OLFM3: variants seen among roughly 807,000 people sequenced by gnomAD.
OLFM3 encodes olfactomedin 3, also known as noelin-3.
A neutral mutation model predicts 48.6 loss-of-function variants in OLFM3; 20 were observed. The ratio of observed to expected loss-of-function variants is 0.41; its 90% CI spans 0.29 to 0.60. The LOEUF is 0.60. Ranked by LOEUF, OLFM3 falls within the 20% of genes least tolerant of loss-of-function variation. The pLI is 0.28. For synonymous variants in OLFM3, 222 were observed against 198.1 expected (o/e 1.12, Z -1.01); for missense variants, 437 against 544.3 (o/e 0.80, Z 1.96).
At chr1:101,979,311 G>A (rs955740761) in intron 1 of OLFM3, among the ~76,000 whole-genome samples, 10 of 152,042 alleles carry the variant, frequency 6.6e-5, no homozygotes, top group African/African-American at 1.2e-4. Context: ...TATGACCACC[G>A]ATATGGTTTG....
intron 1 of OLFM3, among the ~76,000 whole-genome samples, chr1:101,947,709 TA>T (rs1660003812): frequency 6.6e-6 from 1 of 152,210 alleles, no homozygotes; most frequent in South Asian, 2.1e-4. Flanking sequence ...TAGTCATTGA[TA>T]AAAGTGAGAT....
intron 1 of OLFM3, among the ~76,000 whole-genome samples, chr1:101,981,076 C>A (rs1661093296): frequency 6.6e-6 from 1 of 152,212 alleles, no homozygotes; most frequent in South Asian, 2.1e-4. Context: ...AATTCTCAAG[C>A]CCTTTGCCAC....
At chr1:101,845,190 AT>A (rs961499551) in intron 1 of OLFM3, among the ~76,000 whole-genome samples, 20 of 150,934 alleles carry the variant, frequency 1.3e-4, no homozygotes, top group South Asian at 4.2e-4. Context: ...TATTATTATT[AT>A]TTTTTTTGCA....
chr1:101,901,333 A>T (rs1386640052), intron 1 of OLFM3, among the ~76,000 whole-genome samples: 1 of 152,112 alleles, frequency 6.6e-6, no homozygotes, highest in African/African-American at 2.4e-5. Flanking sequence ...AGAATTTCAG[A>T]TGGAGACAAA....
At chr1:101,962,238 C>T (rs1660488935) in intron 1 of OLFM3, among the ~76,000 whole-genome samples, 1 of 152,076 alleles carries the variant, frequency 6.6e-6, no homozygotes, top group Non-Finnish European at 1.5e-5. Context: ...TGCAATAAAC[C>T]TGTATGGAGT....
intron 1 of OLFM3, among the ~76,000 whole-genome samples, chr1:101,959,030 C>T (rs1209119716): frequency 2.6e-5 from 4 of 151,832 alleles, no homozygotes; most frequent in Non-Finnish European, 5.9e-5. Context: ...TACCCTTTGA[C>T]CAACATCTCC....
At chr1:101,879,860 T>G (rs1657449123) in intron 1 of OLFM3, among the ~76,000 whole-genome samples, 1 of 151,780 alleles carries the variant, frequency 6.6e-6, no homozygotes, top group Non-Finnish European at 1.5e-5. Context: ...CACCCTAAAA[T>G]AAAGTTTCTC....
intron 3 of OLFM3, among the ~76,000 whole-genome samples, chr1:101,827,896 G>A (rs1244045656): frequency 6.6e-6 from 1 of 152,072 alleles, no homozygotes; most frequent in African/African-American, 2.4e-5. Context: ...TGTCTGGGAG[G>A]GACCAGGTGA....
intron 1 of OLFM3, among the ~76,000 whole-genome samples, chr1:101,877,920 T>A (rs1342812436): frequency 1.3e-5 from 2 of 151,736 alleles, no homozygotes; most frequent in African/African-American, 2.4e-5. Context: ...GCTAGATAAG[T>A]TTTTTTTCTA....
chr1:101,916,379 T>C (rs1658925217), intron 1 of OLFM3, among the ~76,000 whole-genome samples: 1 of 151,642 alleles, frequency 6.6e-6, no homozygotes, highest in South Asian at 2.1e-4. Flanking sequence ...ATTATCACTT[T>C]GAAGTAGGTA....
intron 1 of OLFM3, among the ~76,000 whole-genome samples, chr1:101,885,261 A>G (rs1418094703): frequency 6.6e-6 from 1 of 152,070 alleles, no homozygotes; most frequent in Non-Finnish European, 1.5e-5. Context: ...CACAAGAATT[A>G]ACAGAAGATG....
intron 1 of OLFM3, among the ~76,000 whole-genome samples, chr1:101,844,803 T>A (rs1240928327): frequency 6.6e-6 from 1 of 152,028 alleles, no homozygotes. Context: ...TTAGCACATA[T>A]AAGATTTAAT....
chr1:101,969,814 G>A (rs563311359), intron 1 of OLFM3, among the ~76,000 whole-genome samples: 3 of 152,096 alleles, frequency 2.0e-5, no homozygotes, highest in Admixed American at 2.0e-4. Flanking sequence ...ATGGTGGTGA[G>A]GATAAGTGAG....
intron 1 of OLFM3, among the ~76,000 whole-genome samples, chr1:101,959,344 T>A (rs74414525): frequency 5.5e-5 from 2 of 36,642 alleles, no homozygotes; most frequent in Non-Finnish European, 1.1e-4. Flanking sequence ...CTCCTTTTTT[T>A]TTTTTTTTAA....
At chr1:101,926,728 C>G (rs1306433390) in intron 1 of OLFM3, among the ~76,000 whole-genome samples, 1 of 152,150 alleles carries the variant, frequency 6.6e-6, no homozygotes, top group African/African-American at 2.4e-5. Flanking sequence ...CTGATGTCAT[C>G]ATGAGTGTAT....
chr1:101,992,704 C>T (rs1158901801), intron 1 of OLFM3, among the ~76,000 whole-genome samples: 1 of 151,574 alleles, frequency 6.6e-6, no homozygotes, highest in Non-Finnish European at 1.5e-5. Flanking sequence ...TGTATGAAAG[C>T]TACACTTAGG....
Position 101,828,645 on chromosome 1 carries a change from T to C in OLFM3, c.372+2027A>G, listed in dbSNP as rs181965568. ...GTCTTCTCGCAAAAGTTCCCAAAGA[T>C]GAACATGCTTCATCATGCATTCCCC... On this transcript the variant is annotated intron_variant, in intron 3 of 5. Coordinates refer to ENST00000370103, the MANE Select transcript of OLFM3 (RefSeq NM_058170.4). Among the ~76,000 whole-genome samples the C allele has an allele frequency of 4.2e-3, 643 of 152,324 alleles. 4 individuals are homozygous for C. Among genetic ancestry groups the C allele is most frequent in the African/African-American group, 0.015 (608 of 41,578 alleles).
At chr1:101,937,440 T>C (rs988213345) in intron 1 of OLFM3, among the ~76,000 whole-genome samples, 5 of 152,200 alleles carry the variant, frequency 3.3e-5, no homozygotes, top group African/African-American at 1.2e-4. Flanking sequence ...TTCCCACATG[T>C]TGTGGGAGGG....
chr1:101,913,758 A>C (rs142908320), intron 1 of OLFM3, among the ~76,000 whole-genome samples: 74 of 152,298 alleles, frequency 4.9e-4, no homozygotes, highest in African/African-American at 1.6e-3. Context: ...TTAAGTGGCA[A>C]TAGTAAGCAA....
Sources: gnomAD v4.1 joint callset for allele counts (sites outside exome capture counted in the v4.1 genomes callset) on GRCh38, gnomAD v4.1.1 for gene constraint, MANE v1.5 for transcripts, NCBI Gene and HGNC (gene_info 2026-07-23, HGNC 2026-07-21) for gene names.